IPO8: variants seen among roughly 807,000 people sequenced by gnomAD.
The protein encoded by IPO8 is importin-8.
In IPO8, 65 loss-of-function variants were observed where a neutral mutation model predicts 141.2. That is an observed-to-expected ratio of 0.46 (90% CI 0.38 to 0.57). The LOEUF is 0.57. Ranked by LOEUF, IPO8 falls within the 20% of genes least tolerant of loss-of-function variation. IPO8 has a pLI of 0.00. For synonymous variants in IPO8, 411 were observed against 420.3 expected, an observed-to-expected ratio of 0.98 and a Z score of 0.27; for missense variants, 980 against 1,246.8, an observed-to-expected ratio of 0.79 and a Z score of 3.22.
intron 5 of IPO8, 63 bp from the exon 6 acceptor site, chr12:30,676,650 T>C: frequency 1.7e-6 from 2 of 1,198,284 alleles, no homozygotes; most frequent in Non-Finnish European, 1.2e-6. Flanking sequence ...AGCAATTTTA[T>C]CTATATTGTA....
rs780026474 is a variant in IPO8, at chr12:30,637,148, G to C, written c.2529C>G (p.Ile843Met). The C allele has an allele frequency of 1.2e-6, 2 of 1,613,610 alleles. No individual in the cohort carries two copies. The highest frequency in any genetic ancestry group is 1.7e-6 in the Non-Finnish European group (2 of 1,179,862). ...DRKMCIIGLS[I>M]LLELQNRPPA... ...GAGGTCGATTTTGCAATTCCAAAAG[G>C]ATACTCAGTCCTATTATACACATCT... Residue 843 changes from isoleucine (I) to methionine (M), a missense_variant, in exon 22 of 25, where the codon ATC becomes ATG. This residue lies in a region of IPO8 where 924 missense variants were observed against 1,153.9 expected (regional missense o/e 0.80). Coordinates refer to ENST00000256079, the MANE Select transcript of IPO8 (RefSeq NM_006390.4).
chr12:30,646,975 G>T (rs567910037), intron 20 of IPO8, among the ~76,000 whole-genome samples: 2 of 152,064 alleles, frequency 1.3e-5, no homozygotes, highest in Non-Finnish European at 2.9e-5. Flanking sequence ...CCTAAAACTC[G>T]TATGAAAATT....
chr12:30,687,814 C>G (rs916874998), intron 2 of IPO8, among the ~76,000 whole-genome samples: 1 of 152,140 alleles, frequency 6.6e-6, no homozygotes, highest in Non-Finnish European at 1.5e-5. Context: ...AACCTCTAAA[C>G]AAATAACCAC....
At position 30,676,538 on chromosome 12, in the gene IPO8, A is replaced by G. The variant is rs1485160472; in HGVS notation, c.689T>C (p.Met230Thr). ...LVNNQTMTTWMEIFRTIIDRT... is the reference protein window; with the variant it reads ...LVNNQTMTTWTEIFRTIIDRT... ...GTCGATAATAGTTCGGAAGATCTCCATCCATGTTGTCATGGTTTGGTTATT... is the reference window on the plus strand; with the variant it reads ...GTCGATAATAGTTCGGAAGATCTCCGTCCATGTTGTCATGGTTTGGTTATT... The change falls in exon 6 of 25, where the codon ATG (methionine) becomes ACG (threonine). Residue 230 changes from methionine to threonine, a missense_variant. Physicochemically the swap from Met to Thr is moderately conservative, Grantham distance 81. This residue lies in a region of IPO8 where 924 missense variants were observed against 1,153.9 expected (regional missense o/e 0.80). Transcript: ENST00000256079. 3 of 1,613,362 alleles carry G rather than the reference A, an allele frequency of 1.9e-6. No individual in the cohort carries two copies. Among genetic ancestry groups the G allele is most frequent in the East Asian group, 2.2e-5 (1 of 44,818 alleles).
chr12:30,680,707 A>G (rs2053180461), intron 4 of IPO8, 69 bp from the exon 5 acceptor site: 13 of 1,285,310 alleles, frequency 1.0e-5, no homozygotes, highest in Non-Finnish European at 1.4e-5. Flanking sequence ...AATAAATTAT[A>G]AAATATTTTT....
Position 30,695,584 on chromosome 12 carries a change from C to T in IPO8, c.64G>A (p.Ala22Thr). ...GTIDPKLRIA[A>T]ENELNQSYKI... ...CTCACCTGGTTGAGCTCGTTCTCGG[C>T]TGCAATCCGCAACTTCGGGTCGATG... Residue 22 changes from alanine to threonine, a missense_variant, in exon 1 of 25, where the codon GCC becomes ACC. By Grantham distance (58) the Ala-to-Thr change is moderately conservative. Around this residue, in one of 3 missense-constraint regions of IPO8, gnomAD observed 40 missense variants for 46.3 expected, o/e 0.86. Transcript: ENST00000256079. The surrounding 1 kb of genome is among the most constrained non-coding windows in gnomAD (Gnocchi z 4.2). 1 of 1,614,070 alleles carries T rather than the reference C, an allele frequency of 6.2e-7. No individual in the cohort carries two copies. Among genetic ancestry groups the T allele is most frequent in the Non-Finnish European group, 8.5e-7 (1 of 1,179,954 alleles).
At chr12:30,693,124 A>G (rs1402428123) in intron 1 of IPO8, among the ~76,000 whole-genome samples, 1 of 152,212 alleles carries the variant, frequency 6.6e-6, no homozygotes, top group Non-Finnish European at 1.5e-5. Context: ...TACCGAGGCC[A>G]TGTGAAGGAT....
At chr12:30,654,854 T>C (rs2052777146) in intron 17 of IPO8, among the ~76,000 whole-genome samples, 1 of 152,114 alleles carries the variant, frequency 6.6e-6, no homozygotes, top group African/African-American at 2.4e-5. Context: ...ACTGGGTATA[T>C]ATCCAAAGGA....
rs148072106 is a variant in IPO8, at chr12:30,660,910, A to C, written c.1881+231T>G. Reference sequence around the variant, plus strand: ...AACTCAAGTTAATATAAAGGGATATACTATATACTTTATAATATTTACATT... The same window carrying C: ...AACTCAAGTTAATATAAAGGGATATCCTATATACTTTATAATATTTACATT... On this transcript the variant is annotated intron_variant, in intron 16 of 24. Coordinates refer to ENST00000256079, the MANE Select transcript of IPO8 (RefSeq NM_006390.4). Among the ~76,000 whole-genome samples the C allele has an allele frequency of 5.6e-3, 655 of 117,748 alleles. 10 individuals carry two copies. Among genetic ancestry groups the C allele is most frequent in the African/African-American group, 0.02 (577 of 28,702 alleles). 77.2% of individuals were successfully genotyped at this position (117,748 alleles called of 152,430 possible). A position where few individuals can be genotyped will look rare whatever the true frequency, so the allele number is the denominator to read the frequency against.
At chr12:30,679,015 T>A (rs2053157420) in intron 5 of IPO8, among the ~76,000 whole-genome samples, 1 of 152,120 alleles carries the variant, frequency 6.6e-6, no homozygotes, top group African/African-American at 2.4e-5. Flanking sequence ...AATTTTTGTA[T>A]TTTTCTAGAG....
Position 30,695,627 on chromosome 12 carries a change from G to C in IPO8, c.21C>G (p.Ile7Met). 6.2e-7 allele frequency: 1 copy of C among 1,614,142 alleles called. No homozygotes were observed. The highest frequency in any genetic ancestry group is 8.5e-7 in the Non-Finnish European group (1 of 1,179,980). ...GGTCGATGGTGCCCTTCAGCGCCTG[G>C]ATGATCCGGTTGAGGTCCATCTCCC... MDLNRIIQALKGTIDPK... is the reference protein window; with the variant it reads MDLNRIMQALKGTIDPK... The change falls in exon 1 of 25, where the codon ATC becomes ATG. Residue 7 changes from isoleucine to methionine, a missense_variant. This residue lies in a region of IPO8 where 40 missense variants were observed against 46.3 expected (regional missense o/e 0.86). Transcript: ENST00000256079. This position sits in a 1 kb window ranked among gnomAD's most constrained non-coding sequence, Gnocchi z 4.2.
intron 4 of IPO8, 92 bp downstream of exon 4, chr12:30,681,567 G>T (rs998250660): frequency 9.4e-6 from 11 of 1,168,916 alleles, no homozygotes; most frequent in African/African-American, 9.2e-5. Flanking sequence ...CTGATAACCT[G>T]TGCAGAACAT....
At chr12:30,688,992 C>G (rs113341857) in intron 2 of IPO8, among the ~76,000 whole-genome samples, 8 of 151,918 alleles carry the variant, frequency 5.3e-5, no homozygotes, top group East Asian at 3.9e-4. Context: ...TTTAAGTAAA[C>G]CATGGTAATT....
chr12:30,680,487 C>T lies in IPO8; in HGVS notation c.634G>A (p.Val212Ile). 6.2e-7 allele frequency: 1 copy of T among 1,608,150 alleles called. No individual in the cohort carries two copies. The highest frequency in any genetic ancestry group is 8.5e-7 in the Non-Finnish European group (1 of 1,177,068). ...KQILKIFYAL[V>I]QYALPLQLVN... ...TTTCTGCAATAGAAACCTACCTGAA[C>T]AAGTGCATAAAAGATTTTCAGAATT... The change falls in exon 5 of 25, where the codon GTT (valine) becomes ATT (isoleucine). Residue 212 changes from valine to isoleucine, a missense_variant. By Grantham distance (29) the Val-to-Ile change is conservative. Around this residue, in one of 3 missense-constraint regions of IPO8, gnomAD observed 924 missense variants for 1,153.9 expected, o/e 0.80. Transcript: ENST00000256079.
chr12:30,683,263 A>AT (rs1202698398), intron 3 of IPO8, among the ~76,000 whole-genome samples: 2 of 152,084 alleles, frequency 1.3e-5, no homozygotes, highest in African/African-American at 2.4e-5. Flanking sequence ...AATAATAGTG[A>AT]TTTTTTCTTT....
intron 16 of IPO8, among the ~76,000 whole-genome samples, chr12:30,657,666 A>G (rs1047164129): frequency 3.3e-5 from 5 of 152,200 alleles, no homozygotes; most frequent in African/African-American, 1.2e-4. Context: ...AATTATATCC[A>G]CTAAACCGGG....
chr12:30,651,578 T>C (rs913276841), intron 19 of IPO8, among the ~76,000 whole-genome samples: 1 of 152,102 alleles, frequency 6.6e-6, no homozygotes, highest in African/African-American at 2.4e-5. Flanking sequence ...TGTGTGTGTG[T>C]GTATGTATAT....
At chr12:30,642,689 G>A (rs955270174) in intron 20 of IPO8, among the ~76,000 whole-genome samples, 2 of 151,120 alleles carry the variant, frequency 1.3e-5, no homozygotes, top group Non-Finnish European at 2.9e-5. Flanking sequence ...ATATGTTTTA[G>A]ATATATATGT....
At chr12:30,694,955 G>A (rs1421244245) in intron 1 of IPO8, 1 of 455,714 alleles carries the variant, frequency 2.2e-6, no homozygotes, top group Non-Finnish European at 4.4e-6. Context: ...GCATTCATAA[G>A]AAATTTCTCC....
Sources: allele counts gnomAD v4.1 joint callset (sites outside exome capture counted in the v4.1 genomes callset), GRCh38; gene constraint gnomAD v4.1.1; regional missense constraint gnomAD v4.1.1; non-coding constraint Gnocchi (gnomAD v3.1); transcripts MANE v1.5; gene names NCBI Gene and HGNC (gene_info 2026-07-23, HGNC 2026-07-21).